Variants in RSPO3 observed in about 807,000 individuals in gnomAD.
RSPO3 encodes the protein R-spondin 3.
A neutral mutation model predicts 36.5 loss-of-function variants in RSPO3; 17 were observed. The observed-to-expected ratio is 0.47, with a 90% confidence interval of 0.32 to 0.70. The LOEUF (loss-of-function observed/expected upper bound fraction) is 0.70. RSPO3 is among the 30% of genes least tolerant of loss of function. RSPO3 has a pLI of 0.04. For missense variants in RSPO3, 294 were observed against 322.5 expected (o/e 0.91, Z 0.68); for synonymous variants, 108 against 107.0 (o/e 1.01, Z -0.06).
chr6:127,118,675 G>T lies in RSPO3; in HGVS notation c.-518G>T. On this transcript the variant is annotated 5_prime_UTR_variant, in exon 1 of 5. Transcript: ENST00000356698. ...CTCCCGGGAGCCCAGCCCAACACTG[G>T]AGCGTCTCCTGCTCGCGCACGCCAG... 1 of 148,688 alleles carries T rather than the reference G, an allele frequency of 6.7e-6. No individual in the cohort carries two copies. Among genetic ancestry groups the T allele is most frequent in the South Asian group, 1.9e-4 (1 of 5,180 alleles). 9.2% of individuals were successfully genotyped at this position (148,688 alleles called of 1,614,324 possible). A position where few individuals can be genotyped will look rare whatever the true frequency, so the allele number is the denominator to read the frequency against.
intron 4 of RSPO3, among the ~76,000 whole-genome samples, chr6:127,158,710 G>A (rs1774644803): frequency 6.6e-6 from 1 of 151,952 alleles, no homozygotes; most frequent in African/African-American, 2.4e-5. Flanking sequence ...ATTTTCTCAT[G>A]GTTAGAATAA....
intron 4 of RSPO3, among the ~76,000 whole-genome samples, chr6:127,179,769 T>A (rs1237436790): frequency 1.3e-5 from 2 of 151,848 alleles, no homozygotes; most frequent in Non-Finnish European, 2.9e-5. Context: ...TCCACTTACT[T>A]GTCTTTTCCA....
At chr6:127,137,286 G>A (rs1048401395) in intron 1 of RSPO3, among the ~76,000 whole-genome samples, 1 of 152,104 alleles carries the variant, frequency 6.6e-6, no homozygotes, top group Non-Finnish European at 1.5e-5. Context: ...AGCTACTTGG[G>A]AGGCTGAGGC....
intron 4 of RSPO3, among the ~76,000 whole-genome samples, chr6:127,169,608 T>C (rs933856556): frequency 4.6e-5 from 7 of 151,840 alleles, no homozygotes; most frequent in Admixed American, 1.3e-4. Flanking sequence ...TTTTTTGCAA[T>C]AAACAACACG....
At chr6:127,149,277 G>A (rs1774444270) in intron 2 of RSPO3, among the ~76,000 whole-genome samples, 3 of 152,082 alleles carry the variant, frequency 2.0e-5, no homozygotes, top group African/African-American at 7.2e-5. Flanking sequence ...TCTGGAACCT[G>A]AAAACCTGTT....
chr6:127,189,824 G>A (rs574114445), intron 4 of RSPO3, among the ~76,000 whole-genome samples: 8 of 152,186 alleles, frequency 5.3e-5, no homozygotes, highest in South Asian at 2.1e-4. Context: ...GTAACCTACC[G>A]CATAGGTAAA....
chr6:127,155,876 G>GTATATATATA (rs35711172), intron 4 of RSPO3, among the ~76,000 whole-genome samples: 23 of 148,604 alleles, frequency 1.5e-4, no homozygotes, highest in African/African-American at 4.7e-4. Context: ...GTAGCTAAGT[G>GTATATATATA]TATATATATA....
At chr6:127,187,422 CA>C (rs1269523786) in intron 4 of RSPO3, among the ~76,000 whole-genome samples, 34 of 152,210 alleles carry the variant, frequency 2.2e-4, no homozygotes, top group African/African-American at 7.2e-4. Flanking sequence ...ATTCATCCAA[CA>C]AGCTAGTCAT....
intron 4 of RSPO3, among the ~76,000 whole-genome samples, chr6:127,174,739 T>C (rs1332927257): frequency 6.6e-6 from 1 of 151,880 alleles, no homozygotes; most frequent in African/African-American, 2.4e-5. Flanking sequence ...TATGGAGTCA[T>C]AGAACTGAAC....
Position 127,146,237 on chromosome 6 carries a change from G to A in RSPO3, c.98-2411G>A, listed in dbSNP as rs571257343. Among the ~76,000 whole-genome samples, 23 of 152,120 alleles carry A rather than the reference G, an allele frequency of 1.5e-4. 1 individual carries two copies. The highest frequency in any genetic ancestry group is 5.1e-4 in the African/African-American group (21 of 41,504). On this transcript the variant is annotated intron_variant, in intron 1 of 4. Transcript: ENST00000356698. ...ATTTTATTGCAAGTTGGGACAACTA[G>A]GTCTTTCTTGCTTTTTCAAAAATCA...
At chr6:127,156,666 T>C (rs1327801262) in intron 4 of RSPO3, among the ~76,000 whole-genome samples, 2 of 152,184 alleles carry the variant, frequency 1.3e-5, no homozygotes, top group East Asian at 3.9e-4. Context: ...GGCTATGCAC[T>C]GTACTAGGGC....
Position 127,155,308 on chromosome 6 carries a change from C to A in RSPO3, c.504C>A (p.Phe168Leu), listed in dbSNP as rs1440231979. The A allele has an allele frequency of 2.5e-6, 4 of 1,613,700 alleles. No homozygotes were observed. The highest frequency in any genetic ancestry group is 2.5e-6 in the Non-Finnish European group (3 of 1,179,894). The change falls in exon 4 of 5, where the codon TTC becomes TTA. Residue 168 changes from phenylalanine (F) to leucine (L), a missense_variant. Phe to Leu is a conservative substitution (Grantham distance 22). Transcript: ENST00000356698. Reference sequence around the variant, plus strand: ...CGAAGAAGGGAAAAACATGTGGCTTCAAAAGAGGGACTGAAACACGGGTCC... The same window carrying A: ...CGAAGAAGGGAAAAACATGTGGCTTAAAAAGAGGGACTGAAACACGGGTCC... The part of the protein sequence containing the change: ...PCTKKGKTCG[F>L]KRGTETRVRE...
At chr6:127,129,245 A>G (rs912508614) in intron 1 of RSPO3, among the ~76,000 whole-genome samples, 3 of 151,974 alleles carry the variant, frequency 2.0e-5, no homozygotes, top group African/African-American at 7.2e-5. Flanking sequence ...TATCATTTCT[A>G]CTTCACTCCT....
chr6:127,142,517 A>C (rs1211158499), intron 1 of RSPO3, among the ~76,000 whole-genome samples: 4 of 152,212 alleles, frequency 2.6e-5, no homozygotes, highest in African/African-American at 9.6e-5. Context: ...TCAAGTCCCA[A>C]GATATGGTAG....
intron 4 of RSPO3, among the ~76,000 whole-genome samples, chr6:127,178,723 A>C (rs868220405): frequency 2.6e-5 from 4 of 151,836 alleles, no homozygotes; most frequent in Non-Finnish European, 2.9e-5. Flanking sequence ...AGAAAGGACC[A>C]TCTGTGTCTT....
Position 127,150,592 on chromosome 6 carries a change from AT to A in RSPO3, c.436+23del. 1 of 1,596,552 alleles carries A rather than the reference AT, an allele frequency of 6.3e-7. No homozygotes were observed. The highest frequency in any genetic ancestry group is 8.5e-7 in the Non-Finnish European group (1 of 1,173,028). ...GTATTGGTAAGGAGAACCTGTAATA[AT>A]TTGAGTAAGTGATAATGTCAGTCTC... On this transcript the variant is annotated intron_variant, in intron 3 of 4. Transcript: ENST00000356698.
intron 1 of RSPO3, among the ~76,000 whole-genome samples, chr6:127,127,102 G>C (rs1773953263): frequency 6.6e-6 from 1 of 152,076 alleles, no homozygotes. Context: ...GCACATTCCT[G>C]ACAGTAAGTG....
At chr6:127,119,374 A>G (rs1180266705) in intron 1 of RSPO3, 85 bp downstream of exon 1, 10 of 946,754 alleles carry the variant, frequency 1.1e-5, no homozygotes, top group East Asian at 7.3e-5. Context: ...CCGGCTCCCA[A>G]CTGCAGCGGT....
intron 1 of RSPO3, among the ~76,000 whole-genome samples, chr6:127,141,734 C>T (rs983378875): frequency 6.6e-6 from 1 of 152,146 alleles, no homozygotes; most frequent in Non-Finnish European, 1.5e-5. Context: ...ATAAAAGATA[C>T]AGTAGACTCT....
Sources: allele counts gnomAD v4.1 joint callset (sites outside exome capture counted in the v4.1 genomes callset), GRCh38; gene constraint gnomAD v4.1.1; transcripts MANE v1.5; gene names NCBI Gene and HGNC (gene_info 2026-07-23, HGNC 2026-07-21).